Variants in AMOTL1 observed in about 807,000 individuals in gnomAD.
AMOTL1 encodes angiomotin-like protein 1.
Under a neutral mutation model 102.9 loss-of-function variants are expected in AMOTL1, and 45 were observed. The ratio of observed to expected loss-of-function variants is 0.44; its 90% CI spans 0.34 to 0.56. AMOTL1 has a LOEUF of 0.56. Among genes scored for constraint, AMOTL1 ranks in the 20% least tolerant of loss-of-function variants. The pLI is 0.01. For missense variants in AMOTL1, 1,114 were observed against 1,225.6 expected (o/e 0.91, Z 1.36); for synonymous variants, 481 against 484.7 (o/e 0.99, Z 0.10).
chr11:94,804,289 A>C (rs1262509324), intron 3 of AMOTL1, among the ~76,000 whole-genome samples: 1 of 152,168 alleles, frequency 6.6e-6, no homozygotes, highest in African/African-American at 2.4e-5. Flanking sequence ...TTTAATAGGC[A>C]AATAGTGTTT....
intron 3 of AMOTL1, among the ~76,000 whole-genome samples, chr11:94,761,464 C>T (rs1392834997): frequency 6.6e-6 from 1 of 151,660 alleles, no homozygotes; most frequent in African/African-American, 2.4e-5. Flanking sequence ...GCTGGGATTA[C>T]AGGCATGAGC....
intron 3 of AMOTL1, among the ~76,000 whole-genome samples, chr11:94,741,700 C>T (rs149242663): frequency 2.6e-5 from 4 of 152,044 alleles, no homozygotes; most frequent in Non-Finnish European, 4.4e-5. Context: ...CATTCTCACT[C>T]GGTGGCTTAG....
intron 3 of AMOTL1, among the ~76,000 whole-genome samples, chr11:94,813,661 T>C (rs1565363758): frequency 6.6e-6 from 1 of 152,142 alleles, no homozygotes; most frequent in Non-Finnish European, 1.5e-5. Flanking sequence ...CACACTGAAG[T>C]GCGTGTGAAT....
At chr11:94,783,720 T>C (rs1951142374) in intron 1 of AMOTL1, among the ~76,000 whole-genome samples, 1 of 152,232 alleles carries the variant, frequency 6.6e-6, no homozygotes, top group African/African-American at 2.4e-5. Flanking sequence ...TTAGACAGTT[T>C]TCTGCTTTAT....
intron 1 of AMOTL1, among the ~76,000 whole-genome samples, chr11:94,718,494 G>A (rs1210935831): frequency 2.6e-5 from 4 of 151,942 alleles, no homozygotes; most frequent in African/African-American, 9.7e-5. Context: ...ATGTGGGGAT[G>A]TGCCAAATTG....
chr11:94,776,941 G>A (rs1050920896), intron 1 of AMOTL1, among the ~76,000 whole-genome samples: 3 of 152,212 alleles, frequency 2.0e-5, no homozygotes, highest in African/African-American at 7.2e-5. Context: ...TTGGAACATA[G>A]AAGAAGGGCA....
chr11:94,794,885 A>G (rs1410785443), intron 1 of AMOTL1, 126 bp from the exon 2 acceptor site: 24 of 1,116,108 alleles, frequency 2.2e-5, no homozygotes, highest in Non-Finnish European at 2.7e-5. Context: ...TATGAATCAA[A>G]AAGAAAGAGC....
chr11:94,875,509 A>G lies in AMOTL1; in HGVS notation c.*4714A>G, dbSNP rs920756661. 1 of 152,180 alleles carries G rather than the reference A, an allele frequency of 6.6e-6. No homozygotes were observed. The highest frequency in any genetic ancestry group is 1.5e-5 in the Non-Finnish European group (1 of 68,038). 9.4% of individuals were successfully genotyped at this position (152,180 alleles called of 1,614,324 possible). Reference sequence around the variant, plus strand: ...CTTAAAAGGTGTCTTTTGGGAGACTATGTGCTCATTGACTATAGTGCTGCC... The same window carrying G: ...CTTAAAAGGTGTCTTTTGGGAGACTGTGTGCTCATTGACTATAGTGCTGCC... On this transcript the variant is annotated 3_prime_UTR_variant, in exon 13 of 13. Transcript: ENST00000433060.
chr11:94,799,757 C>T lies in AMOTL1; in HGVS notation c.567C>T (p.Pro189=), dbSNP rs1443091662. The part of the protein sequence containing the change: ...TQPQQNNEEL[P]TYEEAKAQSQ... ...CTCAGCAGAACAACGAGGAACTGCC[C>T]ACTTACGAGGAGGCCAAAGCACAGT... The change falls in exon 3 of 13, where the codon CCC becomes CCT. Residue 189 remains proline (P), a synonymous_variant. Transcript: ENST00000433060. This position sits in a 1 kb window ranked among gnomAD's most constrained non-coding sequence, Gnocchi z 4.5. The T allele has an allele frequency of 6.2e-7, 1 of 1,610,138 alleles. No homozygotes were observed. The highest frequency in any genetic ancestry group is 1.7e-5 in the Admixed American group (1 of 59,528).
intron 10 of AMOTL1, 49 bp downstream of exon 10, chr11:94,864,909 C>G: frequency 6.3e-7 from 1 of 1,585,918 alleles, no homozygotes; most frequent in Non-Finnish European, 8.6e-7. Flanking sequence ...ATTCACACTC[C>G]AGGCCTTCCA....
At chr11:94,796,917 G>A (rs1951378024) in intron 2 of AMOTL1, 1 of 731,532 alleles carries the variant, frequency 1.4e-6, no homozygotes, top group Non-Finnish European at 1.7e-6. Context: ...TATATATCTT[G>A]TATATAAGCA....
chr11:94,868,943 CCAAAAAAAAAAAA>C (rs1592052973), intron 11 of AMOTL1, among the ~76,000 whole-genome samples: 1 of 144,358 alleles, frequency 6.9e-6, no homozygotes, highest in South Asian at 2.3e-4. Flanking sequence ...CTTCTCCACT[CCAAAAAAAAAAAA>C]CAAAAAAAAC....
At position 94,850,186 on chromosome 11, in the gene AMOTL1, A is replaced by G. The variant is rs749326775; in HGVS notation, c.1721A>G (p.His574Arg). Residue 574 changes from histidine to arginine, a missense_variant, in exon 7 of 13, where the codon CAT becomes CGT. Coordinates refer to ENST00000433060, the MANE Select transcript of AMOTL1 (RefSeq NM_130847.3). ...LAAVRTASED[H>R]RRHIEILDQA... ...GCAGTGCGGACTGCAAGTGAGGACC[A>G]TCGGAGACACATCGAGATCCTGGAC... The G allele has an allele frequency of 6.3e-7, 1 of 1,593,872 alleles. No homozygotes were observed. The highest frequency in any genetic ancestry group is 1.3e-5 in the African/African-American group (1 of 74,782).
intron 3 of AMOTL1, among the ~76,000 whole-genome samples, chr11:94,761,960 T>C (rs1457181777): frequency 6.6e-6 from 1 of 152,196 alleles, no homozygotes; most frequent in Non-Finnish European, 1.5e-5. Flanking sequence ...CAATAATTAC[T>C]TTCAAAATGG....
chr11:94,830,909 A>C (rs1952056159), intron 5 of AMOTL1, among the ~76,000 whole-genome samples: 1 of 152,262 alleles, frequency 6.6e-6, no homozygotes, highest in Non-Finnish European at 1.5e-5. Context: ...GCATCCAGTG[A>C]ATACTTGTTG....
At chr11:94,828,090 G>C (rs1592007874) in intron 4 of AMOTL1, among the ~76,000 whole-genome samples, 1 of 152,142 alleles carries the variant, frequency 6.6e-6, no homozygotes, top group East Asian at 1.9e-4. Context: ...TGTGCAGCAG[G>C]TTCCTCAAAC....
chr11:94,746,172 G>A (rs540920909), intron 3 of AMOTL1, among the ~76,000 whole-genome samples: 62 of 152,314 alleles, frequency 4.1e-4, no homozygotes, highest in African/African-American at 1.4e-3. Context: ...AGAAAGGGGT[G>A]TGTCTCTGGA....
At chr11:94,778,033 A>T (rs76470202) in intron 1 of AMOTL1, among the ~76,000 whole-genome samples, 76 of 152,378 alleles carry the variant, frequency 5.0e-4, no homozygotes, top group Non-Finnish European at 4.7e-4. Flanking sequence ...TTAAGATGTT[A>T]GAAAACAAAA....
chr11:94,870,747 G>A lies in AMOTL1; in HGVS notation c.2823G>A (p.Leu941=), dbSNP rs116313699. The A allele has an allele frequency of 1.4e-3, 2,173 of 1,603,616 alleles. 33 individuals are homozygous for A. The African/African-American group carries it at 0.025, about 18-fold the overall frequency. Residue 941 remains leucine (L), a synonymous_variant, in exon 13 of 13, where the codon CTG becomes CTA. Transcript: ENST00000433060. Reference sequence around the variant, plus strand: ...ACAGAGGCCGGGTCAGCAGCTTGCTGCACAAGCCCGAGTTCCCTGATGGAG... The same window carrying A: ...ACAGAGGCCGGGTCAGCAGCTTGCTACACAAGCCCGAGTTCCCTGATGGAG... ...PDHRGRVSSL[L]HKPEFPDGEM...
Sources: gnomAD v4.1 joint callset for allele counts (sites outside exome capture counted in the v4.1 genomes callset) on GRCh38, gnomAD v4.1.1 for gene constraint, Gnocchi (gnomAD v3.1) non-coding constraint, MANE v1.5 for transcripts, NCBI Gene and HGNC (gene_info 2026-07-23, HGNC 2026-07-21) for gene names.